Variants in GRM5 observed in about 807,000 individuals in gnomAD.
GRM5 encodes metabotropic glutamate receptor 5.
Under a neutral mutation model 83.1 loss-of-function variants are expected in GRM5, and 19 were observed. That is an observed-to-expected ratio of 0.23 (90% confidence interval 0.16 to 0.34). The LOEUF (loss-of-function observed/expected upper bound fraction) is 0.34. Ranked by LOEUF, GRM5 falls within the 10% of genes least tolerant of loss-of-function variation. GRM5 has a pLI of 1.00. For synonymous variants in GRM5, 675 were observed against 633.6 expected, an observed-to-expected ratio of 1.07 and a Z score of -0.98; for missense variants, 1,160 against 1,588.3, an observed-to-expected ratio of 0.73 and a Z score of 4.58.
chr11:88,707,784 C>T (rs144682265), intron 3 of GRM5, among the ~76,000 whole-genome samples: 5 of 152,044 alleles, frequency 3.3e-5, no homozygotes, highest in Admixed American at 3.3e-4. Context: ...TTTAGCAGTA[C>T]AAGATTTGAA....
intron 2 of GRM5, among the ~76,000 whole-genome samples, chr11:89,020,932 G>A (rs1432324525): frequency 1.3e-5 from 2 of 152,108 alleles, no homozygotes; most frequent in Non-Finnish European, 2.9e-5. Context: ...CAGAATTAGG[G>A]CTCAAATCCA....
At chr11:88,923,303 T>C (rs1398068065) in intron 2 of GRM5, among the ~76,000 whole-genome samples, 1 of 152,134 alleles carries the variant, frequency 6.6e-6, no homozygotes, top group Non-Finnish European at 1.5e-5. Context: ...CAAACCGAAG[T>C]GTTCATCAGT....
At chr11:88,830,860 T>C (rs577710858) in intron 3 of GRM5, among the ~76,000 whole-genome samples, 4 of 151,922 alleles carry the variant, frequency 2.6e-5, no homozygotes, top group Non-Finnish European at 4.4e-5. Flanking sequence ...ATCACGAAGG[T>C]AGGCAAGGAA....
intron 2 of GRM5, among the ~76,000 whole-genome samples, chr11:88,935,179 C>T (rs186767682): frequency 3.3e-5 from 5 of 151,882 alleles, no homozygotes; most frequent in African/African-American, 1.2e-4. Flanking sequence ...GATTTTTAGA[C>T]CCTGATTTTA....
At chr11:88,569,056 T>C (rs1942931016) in intron 7 of GRM5, among the ~76,000 whole-genome samples, 1 of 152,194 alleles carries the variant, frequency 6.6e-6, no homozygotes, top group African/African-American at 2.4e-5. Context: ...GTTCTCAAAG[T>C]TGGCTACACA....
At chr11:88,757,684 G>A (rs116423275) in intron 3 of GRM5, among the ~76,000 whole-genome samples, 1,563 of 152,134 alleles carry the variant, frequency 0.01, 28 homozygotes, top group African/African-American at 0.035. Flanking sequence ...CCACTGCTAC[G>A]AATGCAATAC....
intron 4 of GRM5, among the ~76,000 whole-genome samples, chr11:88,607,509 G>C (rs1231946488): frequency 6.6e-6 from 1 of 152,046 alleles, no homozygotes; most frequent in East Asian, 1.9e-4. Flanking sequence ...CCTGTTTTTA[G>C]CACAATAGCC....
intron 2 of GRM5, among the ~76,000 whole-genome samples, chr11:89,030,405 G>A: frequency 6.6e-6 from 1 of 151,986 alleles, no homozygotes; most frequent in African/African-American, 2.4e-5. Flanking sequence ...CCAGCAAAAG[G>A]AGAAAAAGCA....
chr11:88,767,745 G>C (rs1342449971), intron 3 of GRM5, among the ~76,000 whole-genome samples: 2 of 151,648 alleles, frequency 1.3e-5, no homozygotes, highest in Non-Finnish European at 1.5e-5. Context: ...TTACCTGAGT[G>C]GCAAAATAAT....
intron 4 of GRM5, among the ~76,000 whole-genome samples, chr11:88,620,856 C>A (rs915864770): frequency 2.0e-5 from 3 of 152,172 alleles, no homozygotes; most frequent in Non-Finnish European, 2.9e-5. Flanking sequence ...GAAATACAGG[C>A]AGTTGACCTC....
chr11:88,666,663 C>T (rs904024447), intron 3 of GRM5, among the ~76,000 whole-genome samples: 1 of 152,158 alleles, frequency 6.6e-6, no homozygotes, highest in African/African-American at 2.4e-5. Context: ...GGGATCATTA[C>T]AGGCTATATT....
intron 8 of GRM5, among the ~76,000 whole-genome samples, chr11:88,534,968 C>T (rs1942101366): frequency 6.6e-6 from 1 of 152,148 alleles, no homozygotes; most frequent in African/African-American, 2.4e-5. Context: ...TGCTGCCATC[C>T]TTGTAAGATG....
At position 88,687,572 on chromosome 11, in the gene GRM5, T is replaced by TGG. The variant is rs1565187150; in HGVS notation, c.912-34170_912-34169insCC. 4.0e-3 allele frequency among the ~76,000 whole-genome samples: 123 copies of TGG among 30,386 alleles called. 30 individuals carry two copies. Among genetic ancestry groups the TGG allele is most frequent in the African/African-American group, 0.01 (99 of 9,556 alleles). The allele number at this position is 30,386 out of a possible 152,430, so 19.9% of individuals were successfully genotyped here. A position where few individuals can be genotyped will look rare whatever the true frequency, so the allele number is the denominator to read the frequency against. ...CACACACATATATATTATATATATA[T>TGG]ATATATAATATATATATATATATAT... On this transcript the variant is annotated intron_variant, in intron 3 of 9. Transcript: ENST00000305447.
At chr11:88,737,679 T>C (rs1217377341) in intron 3 of GRM5, among the ~76,000 whole-genome samples, 2 of 152,044 alleles carry the variant, frequency 1.3e-5, no homozygotes, top group African/African-American at 4.8e-5. Flanking sequence ...TTTCATCATA[T>C]ATTTAGAAAA....
rs1313391052 is a variant in GRM5, at chr11:88,507,997, T to TAG, written c.*593_*594dup. On this transcript the variant is annotated 3_prime_UTR_variant, in exon 10 of 10. Coordinates refer to ENST00000305447, the MANE Select transcript of GRM5 (RefSeq NM_001143831.3). ...CATTAGCGCAGCACTCACTATCCAG[T>TAG]AGTGTGTTATGCATGGGACACATTC... 6.6e-6 allele frequency: 1 copy of TAG among 152,670 alleles called. No individual in the cohort carries two copies. Among genetic ancestry groups the TAG allele is most frequent in the Non-Finnish European group, 1.5e-5 (1 of 68,184 alleles). The allele number at this position is 152,670 out of a possible 1,614,324, so 9.5% of individuals were successfully genotyped here.
chr11:88,883,470 G>T (rs1944994274), intron 2 of GRM5, among the ~76,000 whole-genome samples: 1 of 152,244 alleles, frequency 6.6e-6, no homozygotes, highest in Admixed American at 6.5e-5. Flanking sequence ...TGGGGTATCT[G>T]GTGGAAGAAA....
At chr11:88,524,218 T>TTTCTTTCTTTCTTTCTTTC (rs1565323871) in intron 9 of GRM5, among the ~76,000 whole-genome samples, 1 of 40,130 alleles carries the variant, frequency 2.5e-5, no homozygotes, top group African/African-American at 5.6e-5. Context: ...TTCTTTCTTT[T>TTTCTTTCTTTCTTTCTTTC]TTTTTTTTTT....
chr11:88,997,676 T>C (rs1179073989), intron 2 of GRM5, among the ~76,000 whole-genome samples: 1 of 152,010 alleles, frequency 6.6e-6, no homozygotes, highest in African/African-American at 2.4e-5. Flanking sequence ...CAAATAGCGC[T>C]ACAAACACAT....
chr11:88,565,632 A>G (rs113182837), intron 8 of GRM5, among the ~76,000 whole-genome samples: 76 of 152,330 alleles, frequency 5.0e-4, no homozygotes, highest in African/African-American at 1.7e-3. Flanking sequence ...AATTTCAGAA[A>G]AAGAATGGTT....
Sources: allele counts gnomAD v4.1 joint callset (sites outside exome capture counted in the v4.1 genomes callset), GRCh38; gene constraint gnomAD v4.1.1; transcripts MANE v1.5; gene names NCBI Gene and HGNC (gene_info 2026-07-23, HGNC 2026-07-21).